The following DZIP3 variants were observed in gnomAD, a reference collection of about 807,000 sequenced individuals.
The protein encoded by DZIP3 is DAZ interacting zinc finger protein 3.
In DZIP3, 118 loss-of-function variants were observed where a neutral mutation model predicts 162.0. That is an observed-to-expected ratio of 0.73 (90% CI 0.63 to 0.85). The LOEUF (loss-of-function observed/expected upper bound fraction) is 0.85. Among genes scored for constraint, DZIP3 ranks in the 40% least tolerant of loss-of-function variants. The pLI is 0.00. For missense variants in DZIP3, 1,331 were observed against 1,407.0 expected (o/e 0.95, Z 0.86); for synonymous variants, 438 against 458.6 (o/e 0.96, Z 0.57).
chr3:108,635,041 C>T (rs1942075210), intron 10 of DZIP3, 69 bp downstream of exon 10: 1 of 949,186 alleles, frequency 1.1e-6, no homozygotes, highest in African/African-American at 1.7e-5. Flanking sequence ...GTTCTCTTCC[C>T]CATCGTTTCT....
intron 26 of DZIP3, among the ~76,000 whole-genome samples, chr3:108,681,237 GA>G (rs1454351364): frequency 5.3e-5 from 8 of 151,798 alleles, no homozygotes; most frequent in African/African-American, 1.9e-4. Flanking sequence ...AAATTTACAG[GA>G]AAAAAACAAC....
In DZIP3 at chr3:108,625,941, CGTGGTTT is replaced by C; in HGVS notation, c.554_560del (p.Arg185HisfsTer14). Reference sequence around the variant, plus strand: ...CTTTATGTCTTTAGTTTATTTTGGACGTGGTTTACTGCGATGTGCTCAAAAGAGGTAA... The same window carrying C: ...CTTTATGTCTTTAGTTTATTTTGGACACTGCGATGTGCTCAAAAGAGGTAA... On this transcript the variant is annotated frameshift_variant, in exon 7 of 33. Coordinates refer to ENST00000361582, the MANE Select transcript of DZIP3 (RefSeq NM_014648.4). LOFTEE classifies it high-confidence loss of function. The C allele has an allele frequency of 6.2e-7, 1 of 1,613,250 alleles. No individual in the cohort carries two copies. The highest frequency in any genetic ancestry group is 8.5e-7 in the Non-Finnish European group (1 of 1,179,718).
chr3:108,636,316 C>G (rs1942145644), intron 10 of DZIP3, among the ~76,000 whole-genome samples: 1 of 151,962 alleles, frequency 6.6e-6, no homozygotes, highest in South Asian at 2.1e-4. Flanking sequence ...CAGTAATCCT[C>G]TTTACCCATA....
At chr3:108,662,589 G>A (rs550891055) in intron 21 of DZIP3, among the ~76,000 whole-genome samples, 1 of 152,304 alleles carries the variant, frequency 6.6e-6, no homozygotes, top group South Asian at 2.1e-4. Context: ...TATAGTATAT[G>A]AGTACATTCC....
chr3:108,693,435 T>G lies in DZIP3; in HGVS notation c.*82T>G, dbSNP rs1007817280. On this transcript the variant is annotated 3_prime_UTR_variant, in exon 33 of 33. Transcript: ENST00000361582. ...TGTGTTGGAGCTGGCTTGTAATGTC[T>G]TATGAGTGACAATCGTTAGTTTGAG... 1 of 152,186 alleles carries G rather than the reference T, an allele frequency of 6.6e-6. No homozygotes were observed. The highest frequency in any genetic ancestry group is 1.5e-5 in the Non-Finnish European group (1 of 68,036). 9.4% of individuals were successfully genotyped at this position (152,186 alleles called of 1,614,324 possible).
chr3:108,637,382 A>G (rs879778542), intron 11 of DZIP3, 114 bp from the exon 12 acceptor site: 1 of 936,154 alleles, frequency 1.1e-6, no homozygotes, highest in Non-Finnish European at 1.7e-6. Context: ...TTTGTTTTAT[A>G]TTCACTGTGG....
At chr3:108,622,032 TAA>T (rs34750239) in intron 5 of DZIP3, among the ~76,000 whole-genome samples, 1 of 138,652 alleles carries the variant, frequency 7.2e-6, no homozygotes, top group Non-Finnish European at 1.6e-5. Flanking sequence ...ACCCCATCTC[TAA>T]AAAAAAAAAA....
chr3:108,607,118 T>G (rs1315218811), intron 2 of DZIP3, among the ~76,000 whole-genome samples: 1 of 152,196 alleles, frequency 6.6e-6, no homozygotes, highest in Non-Finnish European at 1.5e-5. Context: ...AAGACAGGTT[T>G]CTTTTTACCG....
intron 4 of DZIP3, among the ~76,000 whole-genome samples, chr3:108,612,034 T>C (rs1249089201): frequency 6.6e-6 from 1 of 152,138 alleles, no homozygotes; most frequent in African/African-American, 2.4e-5. Flanking sequence ...TTTGGAATTA[T>C]TTGTATAATA....
intron 12 of DZIP3, among the ~76,000 whole-genome samples, chr3:108,638,409 G>T (rs948057554): frequency 1.3e-5 from 2 of 151,990 alleles, no homozygotes; most frequent in Non-Finnish European, 2.9e-5. Context: ...TCTGCCTCCC[G>T]GGTTCACACC....
intron 26 of DZIP3, among the ~76,000 whole-genome samples, chr3:108,683,815 C>T (rs1221283814): frequency 6.6e-6 from 1 of 152,050 alleles, no homozygotes; most frequent in Non-Finnish European, 1.5e-5. Context: ...CAATATTGCC[C>T]ACCAACATAG....
intron 8 of DZIP3, among the ~76,000 whole-genome samples, chr3:108,631,020 C>T (rs916747139): frequency 4.7e-5 from 3 of 63,810 alleles, no homozygotes; most frequent in African/African-American, 2.3e-4. Context: ...CACACACACA[C>T]ACACACACAC....
chr3:108,644,798 T>C lies in DZIP3; in HGVS notation c.1759+17T>C, dbSNP rs1942553696. 1 of 1,582,896 alleles carries C rather than the reference T, an allele frequency of 6.3e-7. No individual in the cohort carries two copies. Among genetic ancestry groups the C allele is most frequent in the South Asian group, 1.1e-5 (1 of 90,298 alleles). On this transcript the variant is annotated intron_variant, in intron 14 of 32. Transcript: ENST00000361582. The stretch of plus-strand genomic sequence containing the variant: ...ATCAACAAGGTACTAAATGATTATT[T>C]ACTTCAGCCAATAAACTTCCATTGA...
At chr3:108,665,237 C>A (rs1046431762) in intron 21 of DZIP3, among the ~76,000 whole-genome samples, 1 of 151,880 alleles carries the variant, frequency 6.6e-6, no homozygotes, top group African/African-American at 2.4e-5. Context: ...AATCTTGAGA[C>A]AAATGAAAAC....
At position 108,647,989 on chromosome 3, in the gene DZIP3, A is replaced by G; in HGVS notation, c.1839A>G (p.Pro613=). The change falls in exon 16 of 33, where the codon CCA becomes CCG. Residue 613 remains proline, a synonymous_variant. Transcript: ENST00000361582. ...ELQNEEEELS[P]PLMEYNINVK... ...AGAATGAGGAAGAAGAACTAAGTCCACCTCTCATGGAGTACAATATAAATG... is the reference window on the plus strand; with the variant it reads ...AGAATGAGGAAGAAGAACTAAGTCCGCCTCTCATGGAGTACAATATAAATG... 1 of 1,596,226 alleles carries G rather than the reference A, an allele frequency of 6.3e-7. No individual in the cohort carries two copies. Among genetic ancestry groups the G allele is most frequent in the Non-Finnish European group, 8.5e-7 (1 of 1,173,906 alleles).
chr3:108,600,423 A>C (rs972666141), intron 1 of DZIP3, among the ~76,000 whole-genome samples: 12 of 152,140 alleles, frequency 7.9e-5, no homozygotes, highest in Admixed American at 7.9e-4. Context: ...ACATGCATAC[A>C]TTGGTATATC....
chr3:108,618,214 C>A (rs1320271218), intron 5 of DZIP3, among the ~76,000 whole-genome samples: 1 of 152,200 alleles, frequency 6.6e-6, no homozygotes, highest in Admixed American at 6.5e-5. Flanking sequence ...GTACAACTTG[C>A]ATCTTTAAAT....
chr3:108,605,280 T>C, intron 1 of DZIP3, 55 bp from the exon 2 acceptor site: 1 of 1,230,250 alleles, frequency 8.1e-7, no homozygotes, highest in Non-Finnish European at 1.2e-6. Flanking sequence ...GTTTTCATAG[T>C]GGGGAGAAAG....
chr3:108,645,216 G>A (rs2107647183), intron 14 of DZIP3, among the ~76,000 whole-genome samples: 1 of 152,230 alleles, frequency 6.6e-6, no homozygotes, highest in Non-Finnish European at 1.5e-5. Context: ...GCATTTTTCA[G>A]AAAGAAATTG....
Sources: allele counts gnomAD v4.1 joint callset (sites outside exome capture counted in the v4.1 genomes callset), GRCh38; gene constraint gnomAD v4.1.1; transcripts MANE v1.5; gene names NCBI Gene and HGNC (gene_info 2026-07-23, HGNC 2026-07-21).